The following SNX18 variants were observed in gnomAD, a reference collection of about 807,000 sequenced individuals.
The protein encoded by SNX18 is sorting nexin 18, also known as sorting nexin-18.
Under a neutral mutation model 48.7 loss-of-function variants are expected in SNX18, and 35 were observed. The ratio of observed to expected loss-of-function variants is 0.72; its 90% CI spans 0.55 to 0.95. The LOEUF is 0.95. SNX18 is among the 40% of genes least tolerant of loss of function. The pLI is 0.00. For missense variants in SNX18, 824 were observed against 871.0 expected, an observed-to-expected ratio of 0.95 and a Z score of 0.68; for synonymous variants, 492 against 384.7, an observed-to-expected ratio of 1.28 and a Z score of -3.26.
At position 54,543,240 on chromosome 5, in the gene SNX18, G is replaced by A; in HGVS notation, c.1683G>A (p.Gln561=). The change falls in exon 2 of 2, where the codon CAG becomes CAA. Residue 561 remains glutamine, a synonymous_variant. Transcript: ENST00000381410. ...RHVEEGKMEV[Q]KADGIQDRCN... is the part of the protein sequence containing the mutation. ...TGGAGGAAGGGAAGATGGAGGTGCA[G>A]AAGGCTGACGGCATTCAGGATCGCT... is the stretch of plus-strand genomic sequence containing the variant. The A allele has an allele frequency of 6.2e-7, 1 of 1,614,176 alleles. No individual in the cohort carries two copies. The highest frequency in any genetic ancestry group is 1.6e-4 in the Middle Eastern group (1 of 6,062).
chr5:54,523,703 C>A (rs2112839691), intron 1 of SNX18, among the ~76,000 whole-genome samples: 1 of 152,334 alleles, frequency 6.6e-6, no homozygotes, highest in Admixed American at 6.5e-5. Context: ...AGCCCCAGGA[C>A]CTCAGGAATG....
intron 1 of SNX18, among the ~76,000 whole-genome samples, chr5:54,534,047 G>GA (rs912441960): frequency 6.6e-6 from 1 of 152,058 alleles, no homozygotes; most frequent in Non-Finnish European, 1.5e-5. Context: ...AGGGAATGAA[G>GA]AAAAACAGGC....
At chr5:54,522,035 G>C (rs747460524) in intron 1 of SNX18, among the ~76,000 whole-genome samples, 58 of 152,196 alleles carry the variant, frequency 3.8e-4, no homozygotes, top group Admixed American at 1.6e-3. Context: ...ATTCAGTATA[G>C]TTTGTTTCTG....
the SNX18 span, among the ~76,000 whole-genome samples, chr5:54,562,980 T>G: frequency 6.6e-6 from 1 of 151,956 alleles, no homozygotes; most frequent in Admixed American, 6.6e-5. Context: ...ATAAAACAGT[T>G]TAAAAAGTAA....
chr5:54,622,357 A>G, the SNX18 span, among the ~76,000 whole-genome samples: 1 of 151,862 alleles, frequency 6.6e-6, no homozygotes, highest in Non-Finnish European at 1.5e-5. Flanking sequence ...AAATTATCTG[A>G]GTGTGGTGGC....
At chr5:54,537,566 C>A (rs971673332) in intron 1 of SNX18, among the ~76,000 whole-genome samples, 13 of 152,074 alleles carry the variant, frequency 8.5e-5, no homozygotes, top group African/African-American at 3.1e-4. Flanking sequence ...TTTGTTCTAA[C>A]AGTGATGTTT....
chr5:54,526,232 G>A (rs1465331808), intron 1 of SNX18, among the ~76,000 whole-genome samples: 6 of 152,102 alleles, frequency 3.9e-5, no homozygotes, highest in Non-Finnish European at 8.8e-5. Flanking sequence ...AGCCGCCCGA[G>A]TAACTGGGAT....
chr5:54,583,964 A>G, the SNX18 span, among the ~76,000 whole-genome samples: 1 of 151,904 alleles, frequency 6.6e-6, no homozygotes, highest in Non-Finnish European at 1.5e-5. Context: ...GGCGAGCCAC[A>G]GCAGAGCCCT....
chr5:54,551,686 A>G, the SNX18 span, among the ~76,000 whole-genome samples: 1 of 152,090 alleles, frequency 6.6e-6, no homozygotes, highest in East Asian at 1.9e-4. Context: ...CAGTCACCTG[A>G]CTCCACAGCT....
chr5:54,581,755 C>A, the SNX18 span, among the ~76,000 whole-genome samples: 1 of 152,216 alleles, frequency 6.6e-6, no homozygotes, highest in Non-Finnish European at 1.5e-5. Flanking sequence ...CTCAAATCAT[C>A]CTCTTTATCA....
the SNX18 span, among the ~76,000 whole-genome samples, chr5:54,612,021 G>A: frequency 6.6e-6 from 1 of 152,114 alleles, no homozygotes; most frequent in South Asian, 2.1e-4. Context: ...AGGACTACAA[G>A]TGTGCTTCAC....
At chr5:54,632,020 T>C in the SNX18 span, among the ~76,000 whole-genome samples, 1 of 151,816 alleles carries the variant, frequency 6.6e-6, no homozygotes, top group Non-Finnish European at 1.5e-5. Flanking sequence ...CAGAGAGGAG[T>C]TCATCAGAGA....
the SNX18 span, among the ~76,000 whole-genome samples, chr5:54,587,237 A>T: frequency 2.6e-5 from 4 of 152,202 alleles, no homozygotes; most frequent in Non-Finnish European, 4.4e-5. Flanking sequence ...TGTATCTCAA[A>T]AAAAGAAGGG....
the SNX18 span, among the ~76,000 whole-genome samples, chr5:54,636,562 A>G: frequency 1.3e-5 from 2 of 152,238 alleles, no homozygotes; most frequent in African/African-American, 4.8e-5. Flanking sequence ...CTCAACCTCT[A>G]TACCTTTCCC....
chr5:54,647,979 G>A, the SNX18 span, among the ~76,000 whole-genome samples: 1 of 151,332 alleles, frequency 6.6e-6, no homozygotes, highest in African/African-American at 2.4e-5. Context: ...CGGAATTGGT[G>A]GGTTCTTGGT....
the SNX18 span, among the ~76,000 whole-genome samples, chr5:54,630,324 TG>T: frequency 6.6e-6 from 1 of 151,354 alleles, no homozygotes; most frequent in East Asian, 1.9e-4. Flanking sequence ...CTTGTGTACC[TG>T]TGTGTGTGTG....
chr5:54,606,145 C>T, the SNX18 span, among the ~76,000 whole-genome samples: 1 of 152,154 alleles, frequency 6.6e-6, no homozygotes, highest in African/African-American at 2.4e-5. Flanking sequence ...CCAGGCGTTT[C>T]AGGTTTTGGA....
the SNX18 span, among the ~76,000 whole-genome samples, chr5:54,626,559 G>C: frequency 6.6e-6 from 1 of 152,188 alleles, no homozygotes. Flanking sequence ...TTTGTGTCTG[G>C]ATGAACTTTG....
chr5:54,549,798 A>G (rs1023376934), downstream of SNX18, among the ~76,000 whole-genome samples: 1 of 152,152 alleles, frequency 6.6e-6, no homozygotes, highest in Non-Finnish European at 1.5e-5. Flanking sequence ...ACATACAGAC[A>G]TTGTAAGATG....
Sources: gnomAD v4.1 joint callset for allele counts (sites outside exome capture counted in the v4.1 genomes callset) on GRCh38, gnomAD v4.1.1 for gene constraint, MANE v1.5 for transcripts, NCBI Gene and HGNC (gene_info 2026-07-23, HGNC 2026-07-21) for gene names.